Variants in DDX17 observed in about 807,000 individuals in gnomAD.
DDX17 encodes probable ATP-dependent RNA helicase DDX17.
Under a neutral mutation model 80.8 loss-of-function variants are expected in DDX17, and 10 were observed. The ratio of observed to expected loss-of-function variants is 0.12; its 90% CI spans 0.08 to 0.21. The LOEUF (loss-of-function observed/expected upper bound fraction) is 0.21, where lower values mean the gene tolerates loss of function less well. Ranked by LOEUF, DDX17 falls within the 10% of genes least tolerant of loss-of-function variation. The pLI, the probability that DDX17 is intolerant of heterozygous loss-of-function variation, is 1.00. For missense variants in DDX17, 586 were observed against 957.4 expected (o/e 0.61, Z 5.12); for synonymous variants, 339 against 336.2 (o/e 1.01, Z -0.09).
At chr22:38,500,048 T>TC (rs1387370489) in intron 2 of DDX17, among the ~76,000 whole-genome samples, 1 of 150,126 alleles carries the variant, frequency 6.7e-6, no homozygotes, top group African/African-American at 2.5e-5. Context: ...TGGTGGCACA[T>TC]GTCTGTAATC....
chr22:38,496,765 T>C (rs1488408518), intron 5 of DDX17, among the ~76,000 whole-genome samples: 1 of 152,126 alleles, frequency 6.6e-6, no homozygotes, highest in Non-Finnish European at 1.5e-5. Flanking sequence ...AAAATTTACA[T>C]GTAATCTGAC....
intron 1 of DDX17, chr22:38,505,079 T>C (rs887897366): frequency 6.6e-6 from 1 of 152,316 alleles, no homozygotes; most frequent in African/African-American, 2.4e-5. Flanking sequence ...AGGCTAATTT[T>C]GTTATTTTTA....
At position 38,487,991 on chromosome 22, in the gene DDX17, T is replaced by C; in HGVS notation, c.1572A>G (p.Pro524=). 6 of 1,614,232 alleles carry C rather than the reference T, an allele frequency of 3.7e-6. No individual in the cohort carries two copies. Among genetic ancestry groups the C allele is most frequent in the Non-Finnish European group, 5.1e-6 (6 of 1,180,042 alleles). The change falls in exon 12 of 13, where the codon CCA becomes CCG. Residue 524 remains proline (P), a synonymous_variant. Coordinates refer to ENST00000403230, the MANE Select transcript of DDX17 (RefSeq NM_006386.5). Reference sequence around the variant, plus strand: ...GCTCTCTGGCCTGTTTTAGGTTCCCTGGGGTGAAGAAGGTATAGGCGGTAC... The same window carrying C: ...GCTCTCTGGCCTGTTTTAGGTTCCCCGGGGTGAAGAAGGTATAGGCGGTAC...
In DDX17 at chr22:38,487,516, G is replaced by C. The variant is rs1050135601; in HGVS notation, c.1684+363C>G. Among the ~76,000 whole-genome samples the C allele has an allele frequency of 3.9e-5, 6 of 152,210 alleles. No homozygotes were observed. In the East Asian group the frequency reaches 1.2e-3, roughly 29 times the overall value. ...TGCCTGTAATCCCAGCTACTTGGGA[G>C]GCTGAGGCAGGAGAATCACTTGAAC... On this transcript the variant is annotated intron_variant, in intron 12 of 12. Coordinates refer to ENST00000403230, the MANE Select transcript of DDX17 (RefSeq NM_006386.5).
At chr22:38,487,731 A>G (rs2089674458) in intron 12 of DDX17, 148 bp downstream of exon 12, 1 of 766,776 alleles carries the variant, frequency 1.3e-6, no homozygotes. Flanking sequence ...TTCTTAGTTG[A>G]AAAAGGTTAT....
At position 38,494,029 on chromosome 22, in the gene DDX17, G is replaced by A. The variant is rs371626744; in HGVS notation, c.1317C>T (p.Arg439=). 7 of 1,612,730 alleles carry A rather than the reference G, an allele frequency of 4.3e-6. No homozygotes were observed. In the African/African-American group the frequency reaches 8.0e-5, roughly 18 times the overall value. Reference sequence around the variant, plus strand: ...CTTGGTGCTATACTCACCCATCTCTGCGCATCCTTCGAGTCAGATCATCAC... The same window carrying A: ...CTTGGTGCTATACTCACCCATCTCTACGCATCCTTCGAGTCAGATCATCAC... The change falls in exon 9 of 13, where the codon CGC becomes CGT. Residue 439 remains arginine (R), a synonymous_variant. Coordinates refer to ENST00000403230, the MANE Select transcript of DDX17 (RefSeq NM_006386.5).
intron 10 of DDX17, chr22:38,493,509 A>G (rs2089732716): frequency 1.8e-6 from 1 of 568,118 alleles, no homozygotes; most frequent in African/African-American, 1.9e-5. Context: ...TTCTTTACAT[A>G]TTATCTACAG....
At position 38,487,907 on chromosome 22, in the gene DDX17, C is replaced by A. The variant is rs577399752; in HGVS notation, c.1656G>T (p.Val552=). 6.2e-7 allele frequency: 1 copy of A among 1,614,226 alleles called. No individual in the cohort carries two copies. The highest frequency in any genetic ancestry group is 1.3e-5 in the African/African-American group (1 of 75,054). Residue 552 remains valine, a synonymous_variant, in exon 12 of 13, where the codon GTG becomes GTT. Transcript: ENST00000403230. ...CGCCTCCGCCGCCTCCTCTGTGGTC[C>A]ACAAGCTGCATCAGTTTTGGATTGA...
At chr22:38,494,535 C>T (rs985014899) in intron 8 of DDX17, 95 bp downstream of exon 8, 6 of 1,142,208 alleles carry the variant, frequency 5.3e-6, no homozygotes, top group Non-Finnish European at 7.5e-6. Flanking sequence ...TGTTCTCAGG[C>T]CTCAAAATAT....
At position 38,493,693 on chromosome 22, in the gene DDX17, C is replaced by T. The variant is rs2089734696; in HGVS notation, c.1387+17G>A. On this transcript the variant is annotated intron_variant, in intron 10 of 12. Coordinates refer to ENST00000403230, the MANE Select transcript of DDX17 (RefSeq NM_006386.5). Reference sequence around the variant, plus strand: ...GGGGGTGGGGAATCAACAGAAAATGCTTAGTTTTAAACTTACCATTAAGTA... The same window carrying T: ...GGGGGTGGGGAATCAACAGAAAATGTTTAGTTTTAAACTTACCATTAAGTA... 2 of 1,597,268 alleles carry T rather than the reference C, an allele frequency of 1.3e-6. No individual in the cohort carries two copies. Among genetic ancestry groups the T allele is most frequent in the Non-Finnish European group, 1.7e-6 (2 of 1,164,994 alleles).
chr22:38,492,493 T>C (rs1004366520), intron 10 of DDX17, among the ~76,000 whole-genome samples: 1 of 152,198 alleles, frequency 6.6e-6, no homozygotes, highest in East Asian at 1.9e-4. Flanking sequence ...TTATTTTTCT[T>C]TCTTTTTTTT....
At chr22:38,496,067 G>A (rs1309182773) in intron 5 of DDX17, 130 bp from the exon 6 acceptor site, 1 of 799,074 alleles carries the variant, frequency 1.3e-6, no homozygotes. Context: ...AAAGTGATGG[G>A]GTGAAGATCA....
chr22:38,506,138 C>G lies in DDX17; in HGVS notation c.100G>C (p.Glu34Gln). 3 of 1,581,282 alleles carry G rather than the reference C, an allele frequency of 1.9e-6. No individual in the cohort carries two copies. The highest frequency in any genetic ancestry group is 2.6e-6 in the Non-Finnish European group (3 of 1,165,050). Residue 34 changes from glutamate (E) to glutamine (Q), a missense_variant, in exon 1 of 13, where the codon GAG becomes CAG. By Grantham distance (29) the Glu-to-Gln change is conservative. Coordinates refer to ENST00000403230, the MANE Select transcript of DDX17 (RefSeq NM_006386.5). ...GCGGCAGGCGCAGCGCTCTCTCGCT[C>G]CGACGCGCTGTCTCCCGTCGCAGAC...
At chr22:38,501,336 A>G (rs2089828907) in intron 1 of DDX17, 56 bp from the exon 2 acceptor site, 1 of 1,548,500 alleles carries the variant, frequency 6.5e-7, no homozygotes, top group Admixed American at 2.1e-5. Flanking sequence ...CGTATCGTAC[A>G]TGCCATAAGA....
rs1173346026 is a variant in DDX17 at position 38,498,102 on chromosome 22, T to G, written c.721A>C (p.Arg241=). Residue 241 remains arginine, a synonymous_variant, in exon 5 of 13, where the codon AGG becomes CGG. Coordinates refer to ENST00000403230, the MANE Select transcript of DDX17 (RefSeq NM_006386.5). ...ACACTTACGATTGGGCCATCTCCCC[T>G]TTCCAAGTATGGCTGGTGGTTAATA... 2 of 1,614,090 alleles carry G rather than the reference T, an allele frequency of 1.2e-6. No individual in the cohort carries two copies. The highest frequency in any genetic ancestry group is 3.3e-5 in the Admixed American group (2 of 60,006).
At chr22:38,501,503 A>G (rs752998078) in intron 1 of DDX17, among the ~76,000 whole-genome samples, 1 of 152,224 alleles carries the variant, frequency 6.6e-6, no homozygotes, top group Admixed American at 6.5e-5. Context: ...TAGGCAAAAA[A>G]TTAAAAATCC....
At position 38,489,843 on chromosome 22, in the gene DDX17, G is replaced by C; in HGVS notation, c.1448-1728C>G. On this transcript the variant is annotated intron_variant, in intron 11 of 12. Coordinates refer to ENST00000403230, the MANE Select transcript of DDX17 (RefSeq NM_006386.5). This position sits in a 1 kb window ranked among gnomAD's most constrained non-coding sequence, Gnocchi z 4.6. ...ATTTACAGGGCCAGGGTGGATGTAA[G>C]ACAGGGGGTGGGGAATTCTACTCCA... 1 of 985,990 alleles carries C rather than the reference G, an allele frequency of 1.0e-6. No homozygotes were observed. The highest frequency in any genetic ancestry group is 1.2e-6 in the Non-Finnish European group (1 of 830,362). 61.1% of individuals were successfully genotyped at this position (985,990 alleles called of 1,614,324 possible).
chr22:38,494,414 A>C lies in DDX17; in HGVS notation c.1214+216T>G, dbSNP rs903835115. Reference sequence around the variant, plus strand: ...AATTGTGCAAAATTATACAGCTTGTAATCAGCAGAGCTAAATTTCAAACTC... The same window carrying C: ...AATTGTGCAAAATTATACAGCTTGTCATCAGCAGAGCTAAATTTCAAACTC... On this transcript the variant is annotated intron_variant, in intron 8 of 12. Coordinates refer to ENST00000403230, the MANE Select transcript of DDX17 (RefSeq NM_006386.5). The C allele has an allele frequency of 1.4e-4, 87 of 628,576 alleles. No individual in the cohort carries two copies. The East Asian group carries it at 2.4e-3, about 17-fold the overall frequency. The allele number at this position is 628,576 out of a possible 1,614,324, so 38.9% of individuals were successfully genotyped here. A position where few individuals can be genotyped will look rare whatever the true frequency, so the allele number is the denominator to read the frequency against.
At chr22:38,492,951 G>C (rs2089727624) in intron 10 of DDX17, among the ~76,000 whole-genome samples, 2 of 152,114 alleles carry the variant, frequency 1.3e-5, no homozygotes, top group Admixed American at 6.6e-5. Context: ...CCAAACGGTA[G>C]TTATATTTTT....
Sources: allele counts gnomAD v4.1 joint callset (sites outside exome capture counted in the v4.1 genomes callset), GRCh38; gene constraint gnomAD v4.1.1; non-coding constraint Gnocchi (gnomAD v3.1); transcripts MANE v1.5; gene names NCBI Gene and HGNC (gene_info 2026-07-23, HGNC 2026-07-21).